The following NCKAP5 variants were observed in gnomAD, a reference collection of about 807,000 sequenced individuals.
NCKAP5 encodes the protein NCK associated protein 5, also known as nck-associated protein 5.
In NCKAP5, 92 loss-of-function variants were observed where a neutral mutation model predicts 167.0. The ratio of observed to expected loss-of-function variants is 0.55; its 90% CI spans 0.47 to 0.66. NCKAP5 has a LOEUF of 0.66. NCKAP5 is among the 30% of genes least tolerant of loss of function. The pLI, the probability that NCKAP5 is intolerant of heterozygous loss-of-function variation, is 0.00. For synonymous variants in NCKAP5, 891 were observed against 877.4 expected, an observed-to-expected ratio of 1.02 and a Z score of -0.27; for missense variants, 2,378 against 2,315.0, an observed-to-expected ratio of 1.03 and a Z score of -0.56.
chr2:133,547,025 C>A (rs962200159), intron 2 of NCKAP5, among the ~76,000 whole-genome samples: 3 of 152,080 alleles, frequency 2.0e-5, no homozygotes, highest in Non-Finnish European at 4.4e-5. Flanking sequence ...GTGCGCGCAC[C>A]GTGCGCGAGC....
rs968226121 is a variant in NCKAP5, at chr2:133,470,659, C to T, written c.69+46799G>A. ...CTCAGACTGCTGTGCTAGTAATCAG[C>T]GAGACTCCATGGGCGTAGGACCCTC... On this transcript the variant is annotated intron_variant, in intron 3 of 19. Coordinates refer to ENST00000409261, the MANE Select transcript of NCKAP5 (RefSeq NM_207363.3). Among the ~76,000 whole-genome samples, 14 of 152,300 alleles carry T rather than the reference C, an allele frequency of 9.2e-5. 1 individual carries two copies. The highest frequency in any genetic ancestry group is 3.4e-3 in the Middle Eastern group (1 of 294).
intron 3 of NCKAP5, among the ~76,000 whole-genome samples, chr2:133,336,383 C>T (rs759369151): frequency 6.6e-6 from 1 of 152,098 alleles, no homozygotes; most frequent in African/African-American, 2.4e-5. Context: ...CCATGCTTTT[C>T]CTTTCCTTTA....
At chr2:133,294,717 T>C (rs1679841028) in intron 4 of NCKAP5, among the ~76,000 whole-genome samples, 1 of 152,256 alleles carries the variant, frequency 6.6e-6, no homozygotes, top group African/African-American at 2.4e-5. Context: ...AGTTAAGACA[T>C]ATTTGAATCA....
intron 3 of NCKAP5, among the ~76,000 whole-genome samples, chr2:133,368,919 G>A (rs565417789): frequency 6.6e-6 from 1 of 152,140 alleles, no homozygotes; most frequent in East Asian, 1.9e-4. Flanking sequence ...AGGCTCTACT[G>A]GTAAAAGACA....
chr2:132,684,263 T>C (rs758832589), intron 19 of NCKAP5, among the ~76,000 whole-genome samples: 1 of 152,238 alleles, frequency 6.6e-6, no homozygotes, highest in Non-Finnish European at 1.5e-5. Flanking sequence ...GAGAATTAAA[T>C]ATGGATCAGC....
At chr2:133,572,590 C>T (rs1178511017), upstream of NCKAP5, among the ~76,000 whole-genome samples, 1 of 152,172 alleles carries the variant, frequency 6.6e-6, no homozygotes, top group Non-Finnish European at 1.5e-5. Context: ...CTTCCCTTTG[C>T]ACTGAGCCTT....
intron 6 of NCKAP5, among the ~76,000 whole-genome samples, chr2:133,124,833 A>G (rs1208753999): frequency 1.3e-5 from 2 of 152,196 alleles, no homozygotes; most frequent in African/African-American, 4.8e-5. Flanking sequence ...AGATCACCTG[A>G]GCCCAGGAGT....
intron 6 of NCKAP5, among the ~76,000 whole-genome samples, chr2:133,010,671 A>G (rs1407178537): frequency 6.6e-6 from 1 of 152,234 alleles, no homozygotes; most frequent in Non-Finnish European, 1.5e-5. Flanking sequence ...TGATAAAACC[A>G]ATACCAATAA....
intron 11 of NCKAP5, among the ~76,000 whole-genome samples, chr2:132,823,174 A>G (rs770898622): frequency 1.3e-5 from 2 of 152,250 alleles, no homozygotes; most frequent in East Asian, 1.9e-4. Flanking sequence ...AGAGATCTAG[A>G]CATTCAAATA....
chr2:132,922,797 T>A (rs1336333403), intron 8 of NCKAP5, among the ~76,000 whole-genome samples: 2 of 152,204 alleles, frequency 1.3e-5, no homozygotes, highest in Non-Finnish European at 2.9e-5. Flanking sequence ...AACACATATG[T>A]CTGACACCAA....
At chr2:133,305,741 A>G (rs755532205) in intron 3 of NCKAP5, among the ~76,000 whole-genome samples, 2 of 152,220 alleles carry the variant, frequency 1.3e-5, no homozygotes, top group Admixed American at 6.5e-5. Context: ...CCTGTTTTCC[A>G]TATAAATAAC....
the NCKAP5 span, among the ~76,000 whole-genome samples, chr2:133,613,735 C>A: frequency 6.6e-6 from 1 of 152,154 alleles, no homozygotes; most frequent in Non-Finnish European, 1.5e-5. Flanking sequence ...CCTCTTTATT[C>A]TCTTCCCTCT....
chr2:132,763,442 A>T (rs1417654727), intron 16 of NCKAP5, among the ~76,000 whole-genome samples: 1 of 152,152 alleles, frequency 6.6e-6, no homozygotes, highest in Non-Finnish European at 1.5e-5. Flanking sequence ...TTCTGATGAG[A>T]TTCTATCCCT....
intron 3 of NCKAP5, among the ~76,000 whole-genome samples, chr2:133,305,129 T>C (rs1680687044): frequency 6.6e-6 from 1 of 152,148 alleles, no homozygotes; most frequent in African/African-American, 2.4e-5. Flanking sequence ...GGGTCTAAAA[T>C]GAAGTTGGAC....
chr2:132,812,004 G>C (rs370630564), intron 11 of NCKAP5, among the ~76,000 whole-genome samples: 22 of 152,252 alleles, frequency 1.4e-4, no homozygotes, highest in African/African-American at 5.1e-4. Flanking sequence ...TCAGCTCCAG[G>C]TAAAGTCAGA....
intron 8 of NCKAP5, among the ~76,000 whole-genome samples, chr2:132,895,834 CA>C (rs796888286): frequency 2.6e-4 from 22 of 85,694 alleles, no homozygotes; most frequent in East Asian, 9.4e-4. Flanking sequence ...AAAAAAAAAA[CA>C]AAAAAAAAAA....
rs781330155 is a variant in NCKAP5 at position 132,782,412 on chromosome 2, G to T, written c.4399C>A (p.Pro1467Thr). 1.9e-6 allele frequency: 3 copies of T among 1,614,008 alleles called. No homozygotes were observed. The highest frequency in any genetic ancestry group is 1.7e-6 in the Non-Finnish European group (2 of 1,179,904). Residue 1467 changes from proline to threonine, a missense_variant, in exon 14 of 20, where the codon CCC becomes ACC. Coordinates refer to ENST00000409261, the MANE Select transcript of NCKAP5 (RefSeq NM_207363.3). ...TTTTCTTCGATTGTGGGTGAGAGGG[G>T]GGCTTCTGAACTCACAGCATCAGTC... ...TATDAVSSEAPLSPTIEEKVM... is the reference protein window; with the variant it reads ...TATDAVSSEATLSPTIEEKVM...
intron 11 of NCKAP5, among the ~76,000 whole-genome samples, chr2:132,832,663 T>C (rs1321071605): frequency 1.3e-5 from 2 of 152,188 alleles, no homozygotes; most frequent in Non-Finnish European, 2.9e-5. Context: ...GAAAATGACC[T>C]CCAGTTCCAT....
At chr2:133,655,095 G>A in the NCKAP5 span, among the ~76,000 whole-genome samples, 8 of 152,266 alleles carry the variant, frequency 5.3e-5, no homozygotes, top group East Asian at 3.9e-4. Context: ...TACTTCCATA[G>A]CTAGTGACAT....
Sources: allele counts gnomAD v4.1 joint callset (sites outside exome capture counted in the v4.1 genomes callset), GRCh38; gene constraint gnomAD v4.1.1; transcripts MANE v1.5; gene names NCBI Gene and HGNC (gene_info 2026-07-23, HGNC 2026-07-21).